ALKBH5: variants seen among roughly 807,000 people sequenced by gnomAD.
ALKBH5 encodes RNA demethylase ALKBH5.
ALKBH5 carries 2 observed loss-of-function variants against 32.1 expected under a neutral mutation model. The observed-to-expected ratio is 0.06, with a 90% confidence interval of 0.03 to 0.20. ALKBH5 has a LOEUF of 0.20. Ranked by LOEUF, ALKBH5 falls within the 10% of genes least tolerant of loss-of-function variation. The pLI, the probability that ALKBH5 is intolerant of heterozygous loss-of-function variation, is 1.00. For synonymous variants in ALKBH5, 300 were observed against 231.7 expected (o/e 1.29, Z -2.68); for missense variants, 352 against 559.5 (o/e 0.63, Z 3.74).
chr17:18,206,430 C>G (rs1240714222), intron 2 of ALKBH5: 1 of 174,194 alleles, frequency 5.7e-6, no homozygotes, highest in Admixed American at 5.8e-5. Context: ...TGTGTTGGGA[C>G]CCACCAGTGG....
intron 3 of ALKBH5, among the ~76,000 whole-genome samples, 189 bp downstream of exon 3, chr17:18,207,159 C>T (rs553769560): frequency 6.6e-6 from 1 of 152,128 alleles, no homozygotes; most frequent in African/African-American, 2.4e-5. Flanking sequence ...GCCTGTACAC[C>T]CAGAGAGAAG....
chr17:18,196,760 A>T (rs1232653509), intron 2 of ALKBH5, among the ~76,000 whole-genome samples: 2 of 152,204 alleles, frequency 1.3e-5, no homozygotes, highest in Non-Finnish European at 2.9e-5. Flanking sequence ...GGAAGTCACC[A>T]TGCATGCCCA....
chr17:18,204,393 G>T (rs2047257993), intron 2 of ALKBH5, among the ~76,000 whole-genome samples: 1 of 150,918 alleles, frequency 6.6e-6, no homozygotes, highest in African/African-American at 2.4e-5. Flanking sequence ...GGAGGTTGCA[G>T]TGAGCCAAGA....
At chr17:18,205,397 T>TC (rs2047263864) in intron 2 of ALKBH5, among the ~76,000 whole-genome samples, 1 of 152,150 alleles carries the variant, frequency 6.6e-6, no homozygotes, top group African/African-American at 2.4e-5. Context: ...CCTACTGGCA[T>TC]CCCCCTCTGC....
chr17:18,184,412 A>G lies in ALKBH5; in HGVS notation c.169A>G (p.Lys57Glu). Residue 57 changes from lysine (K) to glutamate (E), a missense_variant, in exon 1 of 4, where the codon AAG becomes GAG. Lys to Glu is a moderately conservative substitution (Grantham distance 56). Coordinates refer to ENST00000399138, the MANE Select transcript of ALKBH5 (RefSeq NM_017758.4). ...AAEPYPVSGAKRKYQEDSDPE... is the reference protein window; with the variant it reads ...AAEPYPVSGAERKYQEDSDPE... The stretch of plus-strand genomic sequence containing the variant: ...CGAACCTTACCCTGTGTCCGGGGCC[A>G]AGCGCAAGTATCAGGAGGACTCGGA... 6.3e-7 allele frequency: 1 copy of G among 1,577,334 alleles called. No individual in the cohort carries two copies. The highest frequency in any genetic ancestry group is 8.6e-7 in the Non-Finnish European group (1 of 1,162,444).
intron 2 of ALKBH5, among the ~76,000 whole-genome samples, chr17:18,205,326 A>G (rs2047263155): frequency 6.6e-6 from 1 of 152,204 alleles, no homozygotes; most frequent in Non-Finnish European, 1.5e-5. Flanking sequence ...TTCTGCATCC[A>G]TGAGTCTGGA....
chr17:18,189,999 G>A (rs190669781), intron 1 of ALKBH5, among the ~76,000 whole-genome samples: 36 of 152,316 alleles, frequency 2.4e-4, no homozygotes, highest in Admixed American at 1.6e-3. Context: ...CCTGGGTCCA[G>A]GTGGCTGGTC....
intron 1 of ALKBH5, among the ~76,000 whole-genome samples, chr17:18,190,736 C>T (rs1181291616): frequency 6.6e-6 from 1 of 152,108 alleles, no homozygotes; most frequent in Non-Finnish European, 1.5e-5. Flanking sequence ...CTTTGAAGAG[C>T]TTTGTCTTGA....
At chr17:18,202,844 G>A (rs973391789) in intron 2 of ALKBH5, among the ~76,000 whole-genome samples, 1 of 152,058 alleles carries the variant, frequency 6.6e-6, no homozygotes, top group Non-Finnish European at 1.5e-5. Flanking sequence ...GGGAGGCTGA[G>A]GCAGGCGGAT....
At chr17:18,199,834 G>A (rs1386559005) in intron 2 of ALKBH5, among the ~76,000 whole-genome samples, 1 of 152,130 alleles carries the variant, frequency 6.6e-6, no homozygotes, top group Non-Finnish European at 1.5e-5. Flanking sequence ...GGCCGGTCGT[G>A]GTGGCTCACA....
In ALKBH5 at chr17:18,208,246, A is replaced by G; in HGVS notation, c.1035A>G (p.Glu345=). 1 of 1,611,990 alleles carries G rather than the reference A, an allele frequency of 6.2e-7. No individual in the cohort carries two copies. Among genetic ancestry groups the G allele is most frequent in the Admixed American group, 1.7e-5 (1 of 59,412 alleles). ...HRPRILEMDK[E]ENRRSVLLPT... is the part of the protein sequence containing the mutation. ...CACGGATCCTGGAGATGGACAAGGA[A>G]GAGAACCGGCGCTCGGTGCTGCTGC... Residue 345 remains glutamate, a synonymous_variant, in exon 4 of 4, where the codon GAA becomes GAG. Transcript: ENST00000399138.
chr17:18,200,113 T>TTA (rs2047227811), intron 2 of ALKBH5, among the ~76,000 whole-genome samples: 1 of 41,832 alleles, frequency 2.4e-5, no homozygotes, highest in African/African-American at 9.8e-5. Flanking sequence ...AAAAAAAAAA[T>TTA]TTTTTTTTTT....
At position 18,184,025 on chromosome 17, in the gene ALKBH5, G is replaced by A. The variant is rs746048495; in HGVS notation, c.-219G>A. 9 of 673,676 alleles carry A rather than the reference G, an allele frequency of 1.3e-5. No individual in the cohort carries two copies. The highest frequency in any genetic ancestry group is 6.1e-5 in the South Asian group (4 of 65,234). 41.7% of individuals were successfully genotyped at this position (673,676 alleles called of 1,614,324 possible). ...GCGGGACGTGGAGAAGGTGGAGGAG[G>A]AAGAAGCCCCGTTGTCGCCACCGTT... On this transcript the variant is annotated 5_prime_UTR_variant, in exon 1 of 4. Transcript: ENST00000399138.
At position 18,206,784 on chromosome 17, in the gene ALKBH5, T is replaced by G. The variant is rs1231874468; in HGVS notation, c.852-31T>G. On this transcript the variant is annotated intron_variant, in intron 2 of 3. Coordinates refer to ENST00000399138, the MANE Select transcript of ALKBH5 (RefSeq NM_017758.4). ...GTGCCCACACCTTCACCGGAGGCCCTTTGGTGACCCCATGCATGTTTCCTT... is the reference window on the plus strand; with the variant it reads ...GTGCCCACACCTTCACCGGAGGCCCGTTGGTGACCCCATGCATGTTTCCTT... 3 of 1,608,724 alleles carry G rather than the reference T, an allele frequency of 1.9e-6. No individual in the cohort carries two copies. In the African/African-American group the frequency reaches 4.0e-5, roughly 21 times the overall value.
chr17:18,209,434 T>C lies in ALKBH5; in HGVS notation c.*1038T>C, dbSNP rs1312070546. The C allele has an allele frequency of 6.6e-6, 1 of 152,578 alleles. No homozygotes were observed. The highest frequency in any genetic ancestry group is 2.4e-5 in the African/African-American group (1 of 41,428). The allele number at this position is 152,578 out of a possible 1,614,324, so 9.5% of individuals were successfully genotyped here. ...TGCCCCATCTTGTCTGCCGGCAGCA[T>C]GCATCCAAGGCCAGAGCTCAGGCCT... On this transcript the variant is annotated 3_prime_UTR_variant, in exon 4 of 4. Coordinates refer to ENST00000399138, the MANE Select transcript of ALKBH5 (RefSeq NM_017758.4).
chr17:18,195,069 C>G (rs2047197538), intron 2 of ALKBH5, 34 bp downstream of exon 2: 1 of 1,583,072 alleles, frequency 6.3e-7, no homozygotes, highest in Non-Finnish European at 8.6e-7. Context: ...TCTGCCTCAC[C>G]TGCAGGCCTG....
chr17:18,185,227 A>C (rs906914450), intron 1 of ALKBH5, among the ~76,000 whole-genome samples: 1 of 152,156 alleles, frequency 6.6e-6, no homozygotes, highest in Admixed American at 6.5e-5. Flanking sequence ...CCCCGAAGGC[A>C]GGTTTGACGG....
chr17:18,197,159 C>G (rs2047209054), intron 2 of ALKBH5, among the ~76,000 whole-genome samples: 2 of 152,190 alleles, frequency 1.3e-5, no homozygotes, highest in African/African-American at 4.8e-5. Flanking sequence ...TGGGACAGTC[C>G]TATGGTACAG....
intron 1 of ALKBH5, among the ~76,000 whole-genome samples, chr17:18,186,670 GCAT>G (rs1442713992): frequency 6.6e-6 from 1 of 152,178 alleles, no homozygotes; most frequent in African/African-American, 2.4e-5. Flanking sequence ...CAACAGGATT[GCAT>G]CATCAGGAAA....
Sources: allele counts gnomAD v4.1 joint callset (sites outside exome capture counted in the v4.1 genomes callset), GRCh38; gene constraint gnomAD v4.1.1; transcripts MANE v1.5; gene names NCBI Gene and HGNC (gene_info 2026-07-23, HGNC 2026-07-21).